PTPRD: variants seen among roughly 807,000 people sequenced by gnomAD.
PTPRD encodes the protein protein tyrosine phosphatase receptor type D.
Under a neutral mutation model 214.5 loss-of-function variants are expected in PTPRD, and 34 were observed. The observed-to-expected ratio is 0.16, with a 90% confidence interval of 0.12 to 0.21. The LOEUF (loss-of-function observed/expected upper bound fraction) is 0.21. Among genes scored for constraint, PTPRD ranks in the 10% least tolerant of loss-of-function variants. PTPRD has a pLI of 1.00. For missense variants in PTPRD, 2,545 were observed against 2,398.7 expected (o/e 1.06, Z -1.27); for synonymous variants, 1,128 against 845.7 (o/e 1.33, Z -5.79).
chr9:8,414,648 T>A (rs1306734876), intron 35 of PTPRD, among the ~76,000 whole-genome samples: 2 of 151,900 alleles, frequency 1.3e-5, no homozygotes, highest in Admixed American at 6.6e-5. Context: ...AGTCCCTACA[T>A]CCCAGTTTAC....
intron 4 of PTPRD, among the ~76,000 whole-genome samples, chr9:9,960,729 A>C (rs2154023367): frequency 6.6e-6 from 1 of 152,314 alleles, no homozygotes; most frequent in Admixed American, 6.5e-5. Context: ...GAAAGTCAGA[A>C]ACTGTCACAA....
intron 11 of PTPRD, among the ~76,000 whole-genome samples, chr9:8,750,719 CCA>C (rs1235432125): frequency 6.6e-6 from 1 of 151,942 alleles, no homozygotes; most frequent in African/African-American, 2.4e-5. Flanking sequence ...TGGCTGGAGC[CCA>C]GAGATTCCCA....
intron 9 of PTPRD, among the ~76,000 whole-genome samples, chr9:9,334,065 A>G (rs921141767): frequency 2.0e-5 from 3 of 152,004 alleles, no homozygotes; most frequent in East Asian, 3.9e-4. Context: ...CAATGTTGAA[A>G]GAAAATGCCT....
At chr9:10,516,041 T>G (rs1196440274) in intron 2 of PTPRD, among the ~76,000 whole-genome samples, 2 of 151,986 alleles carry the variant, frequency 1.3e-5, no homozygotes, top group Admixed American at 1.3e-4. Context: ...TACATGGTAG[T>G]GCTAATATCT....
chr9:9,955,584 C>A (rs1004224150), intron 4 of PTPRD, among the ~76,000 whole-genome samples: 13 of 149,866 alleles, frequency 8.7e-5, no homozygotes, highest in African/African-American at 3.0e-4. Context: ...AGTATAGTGG[C>A]ACGATCTTGG....
intron 11 of PTPRD, among the ~76,000 whole-genome samples, chr9:8,957,570 C>T (rs1011719863): frequency 2.0e-5 from 3 of 151,836 alleles, no homozygotes; most frequent in South Asian, 4.1e-4. Context: ...TTTGCGGCAC[C>T]ATACAATTTG....
intron 2 of PTPRD, among the ~76,000 whole-genome samples, chr9:10,440,113 C>G (rs1434187416): frequency 6.6e-6 from 1 of 151,560 alleles, no homozygotes; most frequent in African/African-American, 2.4e-5. Context: ...AAAAAATCGG[C>G]TATTACTATT....
intron 39 of PTPRD, among the ~76,000 whole-genome samples, chr9:8,347,774 A>G (rs1443410886): frequency 6.6e-6 from 1 of 152,200 alleles, no homozygotes; most frequent in Non-Finnish European, 1.5e-5. Context: ...CTTTTTCTCT[A>G]TGCATACACA....
intron 5 of PTPRD, among the ~76,000 whole-genome samples, chr9:9,886,866 C>G (rs919305914): frequency 2.0e-4 from 31 of 152,140 alleles, no homozygotes; most frequent in African/African-American, 7.2e-4. Flanking sequence ...ATGGGAAAGC[C>G]TTTAGACTAC....
At chr9:8,497,407 T>C (rs891937308) in intron 25 of PTPRD, 139 bp from the exon 26 acceptor site, 5 of 609,716 alleles carry the variant, frequency 8.2e-6, no homozygotes, top group African/African-American at 3.9e-5. Flanking sequence ...TTCCAAAGAA[T>C]GTGTGATTTG....
At chr9:8,810,397 T>A (rs993101195) in intron 11 of PTPRD, among the ~76,000 whole-genome samples, 1 of 152,166 alleles carries the variant, frequency 6.6e-6, no homozygotes. Context: ...AAGCCTCAAT[T>A]CAAACATCAC....
At chr9:9,239,148 A>G (rs1028369688) in intron 9 of PTPRD, among the ~76,000 whole-genome samples, 37 of 151,996 alleles carry the variant, frequency 2.4e-4, no homozygotes, top group African/African-American at 8.7e-4. Flanking sequence ...TATCTTCACT[A>G]GAACTATAGA....
intron 12 of PTPRD, among the ~76,000 whole-genome samples, chr9:8,665,837 G>T (rs1157465676): frequency 6.6e-6 from 1 of 152,138 alleles, no homozygotes; most frequent in Non-Finnish European, 1.5e-5. Context: ...CTGTAACAGT[G>T]TCATTGCTAC....
At chr9:9,576,608 G>C (rs1449749147) in intron 7 of PTPRD, among the ~76,000 whole-genome samples, 2 of 152,000 alleles carry the variant, frequency 1.3e-5, no homozygotes, top group Non-Finnish European at 2.9e-5. Context: ...TTTATCTAGA[G>C]GTGCAGCAAA....
intron 3 of PTPRD, among the ~76,000 whole-genome samples, chr9:10,178,280 C>T (rs1347951013): frequency 1.3e-5 from 2 of 151,754 alleles, no homozygotes; most frequent in East Asian, 3.9e-4. Flanking sequence ...AAATCTAGGG[C>T]CCGGGATATT....
At chr9:8,525,090 T>C (rs560712664) in intron 17 of PTPRD, 55 bp from the exon 18 acceptor site, 6 of 1,435,352 alleles carry the variant, frequency 4.2e-6, no homozygotes, top group Non-Finnish European at 5.9e-6. Context: ...GCTTTCTCAG[T>C]TCAGAAAGCT....
At chr9:10,350,964 T>C (rs957923661) in intron 2 of PTPRD, among the ~76,000 whole-genome samples, 2 of 152,056 alleles carry the variant, frequency 1.3e-5, no homozygotes, top group Non-Finnish European at 2.9e-5. Flanking sequence ...TGAGCTATGA[T>C]AATAGCAGAG....
At chr9:10,037,466 T>A (rs1211823194) in intron 3 of PTPRD, among the ~76,000 whole-genome samples, 2 of 151,474 alleles carry the variant, frequency 1.3e-5, no homozygotes, top group Admixed American at 1.3e-4. Context: ...CTGCCATGAG[T>A]AAAAGCTCCC....
chr9:10,554,133 G>A (rs1056486335), intron 2 of PTPRD, among the ~76,000 whole-genome samples: 1 of 152,104 alleles, frequency 6.6e-6, no homozygotes, highest in African/African-American at 2.4e-5. Flanking sequence ...TTTTAATGAT[G>A]AGACCTTTTA....
Sources: allele counts gnomAD v4.1 joint callset (sites outside exome capture counted in the v4.1 genomes callset), GRCh38; gene constraint gnomAD v4.1.1; transcripts MANE v1.5; gene names NCBI Gene and HGNC (gene_info 2026-07-23, HGNC 2026-07-21).